ATP8A2: variants seen among roughly 807,000 people sequenced by gnomAD.
The protein encoded by ATP8A2 is ATPase phospholipid transporting 8A2.
Under a neutral mutation model 165.6 loss-of-function variants are expected in ATP8A2, and 100 were observed. The observed-to-expected ratio is 0.60, with a 90% CI of 0.51 to 0.71. ATP8A2 has a LOEUF of 0.71. Ranked by LOEUF, ATP8A2 falls within the 30% of genes least tolerant of loss-of-function variation. The probability of loss-of-function intolerance (pLI) is 0.00; values close to 1 mark genes in which losing one functional copy is unlikely to be tolerated. For missense variants in ATP8A2, 1,227 were observed against 1,479.5 expected (o/e 0.83, Z 2.80); for synonymous variants, 543 against 548.8 (o/e 0.99, Z 0.15).
Position 25,961,610 on chromosome 13 carries a change from G to T in ATP8A2, c.3219G>T (p.Leu1073Phe). 2 of 1,614,098 alleles carry T rather than the reference G, an allele frequency of 1.2e-6. No individual in the cohort carries two copies. Among genetic ancestry groups the T allele is most frequent in the South Asian group, 1.1e-5 (1 of 91,082 alleles). ...TCCTGAGCTCCGCACACTTCTGGTT[G>T]GGATTATTTCTGGTTCCTACTGCCT... ...TMVLSSAHFW[L>F]GLFLVPTACL... is the part of the protein sequence containing the mutation. Residue 1073 changes from leucine (L) to phenylalanine (F), a missense_variant, in exon 34 of 37, where the codon TTG (leucine) becomes TTT (phenylalanine). Physicochemically the swap from Leu to Phe is conservative, Grantham distance 22. This residue lies in a region of ATP8A2 where 260 missense variants were observed against 245.1 expected (regional missense o/e 1.06). Coordinates refer to ENST00000381655, the MANE Select transcript of ATP8A2 (RefSeq NM_016529.6).
chr13:26,014,353 G>A (rs918013540), intron 36 of ATP8A2, among the ~76,000 whole-genome samples: 9 of 152,204 alleles, frequency 5.9e-5, no homozygotes, highest in African/African-American at 2.2e-4. Flanking sequence ...CAAGGAGGTG[G>A]CAGATTAGTC....
At chr13:25,446,071 C>G (rs1764637) in intron 1 of ATP8A2, among the ~76,000 whole-genome samples, 151,234 of 152,266 alleles carry the variant, frequency 0.99, 75,112 homozygotes, top group East Asian at 1. Flanking sequence ...ATGGGATGTG[C>G]AATTATCCAT....
intron 27 of ATP8A2, among the ~76,000 whole-genome samples, chr13:25,794,046 T>A (rs1950446699): frequency 6.6e-6 from 1 of 152,084 alleles, no homozygotes; most frequent in South Asian, 2.1e-4. Flanking sequence ...CTTTCAAACT[T>A]CTGTATATTT....
rs559086811 is a variant in ATP8A2 at position 25,480,145 on chromosome 13, TG to T, written c.221+11028del. On this transcript the variant is annotated intron_variant, in intron 2 of 36. Transcript: ENST00000381655. ...GCTGACCCCCCACCTCCCTCCCGGA[TG>T]GGGCAGCTGGCCGGGTGGGGGGCTG... 3.2e-3 allele frequency among the ~76,000 whole-genome samples: 413 copies of T among 130,588 alleles called. 4 individuals carry two copies. Among genetic ancestry groups the T allele is most frequent in the African/African-American group, 0.011 (391 of 34,310 alleles). 85.7% of individuals were successfully genotyped at this position (130,588 alleles called of 152,430 possible).
intron 35 of ATP8A2, among the ~76,000 whole-genome samples, chr13:26,006,649 T>C (rs1165758409): frequency 6.6e-6 from 1 of 152,042 alleles, no homozygotes; most frequent in Non-Finnish European, 1.5e-5. Flanking sequence ...TTTGGGTTTT[T>C]TTAAATTAAT....
At chr13:25,513,420 C>T (rs561859486) in intron 2 of ATP8A2, among the ~76,000 whole-genome samples, 1 of 140,676 alleles carries the variant, frequency 7.1e-6, no homozygotes, top group Non-Finnish European at 1.6e-5. Context: ...AAGAGGCGCT[C>T]CTCACTTCCT....
At chr13:25,399,397 CTTTTTT>C (rs71077467) in intron 1 of ATP8A2, among the ~76,000 whole-genome samples, 747 of 74,062 alleles carry the variant, frequency 0.01, 24 homozygotes, top group African/African-American at 0.035. Flanking sequence ...AGTGGTTCTT[CTTTTTT>C]TTTTTTTTTT....
intron 35 of ATP8A2, among the ~76,000 whole-genome samples, chr13:25,974,198 G>A (rs961746472): frequency 6.6e-6 from 1 of 152,136 alleles, no homozygotes; most frequent in Non-Finnish European, 1.5e-5. Flanking sequence ...TCATACATTC[G>A]CTTTGAGGTT....
At chr13:25,426,189 C>T (rs1358298550) in intron 1 of ATP8A2, among the ~76,000 whole-genome samples, 1 of 152,094 alleles carries the variant, frequency 6.6e-6, no homozygotes, top group African/African-American at 2.4e-5. Context: ...AACTGGCTCA[C>T]AGATCTGCAC....
chr13:25,675,971 A>G (rs2042364131), intron 24 of ATP8A2, among the ~76,000 whole-genome samples: 1 of 152,238 alleles, frequency 6.6e-6, no homozygotes, highest in Admixed American at 6.5e-5. Flanking sequence ...AAGGTATTGG[A>G]GACCCCAAAT....
intron 27 of ATP8A2, among the ~76,000 whole-genome samples, chr13:25,805,702 A>G (rs1046890569): frequency 6.6e-6 from 1 of 152,148 alleles, no homozygotes; most frequent in African/African-American, 2.4e-5. Context: ...TGTTCCAGGG[A>G]TTGAGTCTGA....
At chr13:25,510,174 A>AAC (rs57755000) in intron 2 of ATP8A2, among the ~76,000 whole-genome samples, 6,520 of 128,450 alleles carry the variant, frequency 0.051, 185 homozygotes, top group East Asian at 0.099. Context: ...GTCTGTCTGT[A>AAC]ACACACACAC....
intron 33 of ATP8A2, among the ~76,000 whole-genome samples, chr13:25,914,866 C>T (rs1954222600): frequency 6.6e-6 from 1 of 152,240 alleles, no homozygotes; most frequent in African/African-American, 2.4e-5. Flanking sequence ...CAAGCCATGG[C>T]TTTCACATGC....
chr13:25,711,351 T>G (rs966507709), intron 25 of ATP8A2, among the ~76,000 whole-genome samples: 4 of 151,788 alleles, frequency 2.6e-5, no homozygotes, highest in African/African-American at 4.8e-5. Context: ...AACTCTGGAG[T>G]CCATGCTGAG....
chr13:25,553,299 C>T (rs1362516015), intron 11 of ATP8A2, among the ~76,000 whole-genome samples: 1 of 151,918 alleles, frequency 6.6e-6, no homozygotes, highest in Non-Finnish European at 1.5e-5. Context: ...TCCAGATATC[C>T]CTTCTCTTAT....
chr13:25,615,224 G>A (rs966720366), intron 24 of ATP8A2, among the ~76,000 whole-genome samples: 2 of 152,142 alleles, frequency 1.3e-5, no homozygotes, highest in South Asian at 2.1e-4. Flanking sequence ...CTGCTGTGGT[G>A]GATGGAGATG....
chr13:25,437,803 A>G (rs138891121), intron 1 of ATP8A2, among the ~76,000 whole-genome samples: 21 of 152,336 alleles, frequency 1.4e-4, no homozygotes, highest in African/African-American at 5.1e-4. Context: ...GGGTGAGAGC[A>G]TGTATACGCT....
intron 24 of ATP8A2, among the ~76,000 whole-genome samples, chr13:25,599,962 T>C (rs557492092): frequency 6.6e-6 from 1 of 152,214 alleles, no homozygotes; most frequent in South Asian, 2.1e-4. Flanking sequence ...ACAGTCAGAG[T>C]TCCATGCAGG....
chr13:25,723,918 A>C (rs2043438083), intron 25 of ATP8A2, among the ~76,000 whole-genome samples: 2 of 152,168 alleles, frequency 1.3e-5, no homozygotes. Context: ...GGAGATTTCA[A>C]ATAGGAGTAG....
Sources: allele counts gnomAD v4.1 joint callset (sites outside exome capture counted in the v4.1 genomes callset), GRCh38; gene constraint gnomAD v4.1.1; regional missense constraint gnomAD v4.1.1; transcripts MANE v1.5; gene names NCBI Gene and HGNC (gene_info 2026-07-23, HGNC 2026-07-21).